The following ANK3 variants were observed in gnomAD, a reference collection of about 807,000 sequenced individuals.
ANK3 encodes the protein ankyrin 3.
A neutral mutation model predicts 370.9 loss-of-function variants in ANK3; 57 were observed. The ratio of observed to expected loss-of-function variants is 0.15; its 90% CI spans 0.12 to 0.19. The LOEUF (loss-of-function observed/expected upper bound fraction) is 0.19. Ranked by LOEUF, ANK3 falls within the 10% of genes least tolerant of loss-of-function variation. ANK3 has a pLI of 1.00. For missense variants in ANK3, 4,439 were observed against 5,302.1 expected, an observed-to-expected ratio of 0.84 and a Z score of 5.06; for synonymous variants, 1,929 against 1,946.3, an observed-to-expected ratio of 0.99 and a Z score of 0.23.
chr10:60,693,470 G>A (rs960679471), intron 1 of ANK3, among the ~76,000 whole-genome samples: 5 of 152,246 alleles, frequency 3.3e-5, no homozygotes, highest in Non-Finnish European at 7.3e-5. Flanking sequence ...CAAAAAGACA[G>A]CAGTAACCTC....
intron 1 of ANK3, among the ~76,000 whole-genome samples, chr10:60,679,366 A>G (rs1446511490): frequency 1.3e-5 from 2 of 152,136 alleles, no homozygotes; most frequent in Non-Finnish European, 2.9e-5. Context: ...TCTAAAATAA[A>G]AATTGGTTGC....
At chr10:60,145,403 T>TAAGCA in intron 23 of ANK3, among the ~76,000 whole-genome samples, 1 of 152,200 alleles carries the variant, frequency 6.6e-6, no homozygotes, top group Non-Finnish European at 1.5e-5. Context: ...AAAGTGATTT[T>TAAGCA]CTTTGATCAT....
At chr10:60,227,199 T>C (rs1198173516) in intron 8 of ANK3, among the ~76,000 whole-genome samples, 1 of 152,076 alleles carries the variant, frequency 6.6e-6, no homozygotes, top group Non-Finnish European at 1.5e-5. Context: ...TAGATATTTA[T>C]ATCAATCTAT....
At chr10:60,033,389 C>T (rs567000114) in intron 43 of ANK3, among the ~76,000 whole-genome samples, 12 of 151,846 alleles carry the variant, frequency 7.9e-5, no homozygotes, top group South Asian at 6.3e-4. Context: ...GTGGCAGGCA[C>T]CTATAATCCC....
intron 42 of ANK3, among the ~76,000 whole-genome samples, chr10:60,050,287 C>A (rs569127682): frequency 6.6e-6 from 1 of 152,074 alleles, no homozygotes; most frequent in Admixed American, 6.6e-5. Context: ...TTAAAGGAAC[C>A]CTATTGAGCT....
intron 26 of ANK3, among the ~76,000 whole-genome samples, chr10:60,109,783 A>C (rs2092547571): frequency 6.6e-6 from 1 of 152,240 alleles, no homozygotes; most frequent in Non-Finnish European, 1.5e-5. Context: ...CTAATAAGGA[A>C]AAAACTGTCT....
chr10:60,166,921 T>G, intron 21 of ANK3, 25 bp from the exon 22 acceptor site: 3 of 1,599,322 alleles, frequency 1.9e-6, no homozygotes, highest in Non-Finnish European at 1.7e-6. Context: ...GCAGTCATTT[T>G]AGTGTGAGCA....
chr10:60,415,063 T>C (rs1013744836), intron 2 of ANK3, among the ~76,000 whole-genome samples: 1 of 152,168 alleles, frequency 6.6e-6, no homozygotes, highest in Non-Finnish European at 1.5e-5. Context: ...AGGCTTTGGC[T>C]ATTGAAGGGA....
intron 2 of ANK3, among the ~76,000 whole-genome samples, chr10:60,567,330 C>G (rs1278340358): frequency 6.6e-6 from 1 of 152,070 alleles, no homozygotes; most frequent in African/African-American, 2.4e-5. Context: ...ATCCTAGAGT[C>G]CTTAAGAATT....
At chr10:60,053,739 G>A in intron 42 of ANK3, 3 of 1,303,768 alleles carry the variant, frequency 2.3e-6, no homozygotes, top group Non-Finnish European at 3.0e-6. Flanking sequence ...TGATTTTTTA[G>A]GGGATAAAAA....
chr10:60,137,382 A>AAAAAAAC, intron 24 of ANK3: 1 of 369,052 alleles, frequency 2.7e-6, no homozygotes, highest in Non-Finnish European at 5.3e-6. Context: ...AGGAAAAAAA[A>AAAAAAAC]AAAAAAAAAA....
intron 2 of ANK3, among the ~76,000 whole-genome samples, chr10:60,556,081 G>A (rs537233977): frequency 3.3e-5 from 5 of 152,072 alleles, no homozygotes; most frequent in African/African-American, 7.2e-5. Context: ...TTATAACATC[G>A]CTCAGGGGCA....
chr10:60,068,945 CT>C lies in ANK3; in HGVS notation c.11935del (p.Ser3979AlafsTer30). On this transcript the variant is annotated frameshift_variant, in exon 37 of 44. Transcript: ENST00000280772. LOFTEE classifies it high-confidence loss of function. The stretch of plus-strand genomic sequence containing the variant: ...ACTTTTCCTAACTTTAACTGTGCAG[CT>C]GGTGGTGGTGGTAGTGGTGGTAGTG... ...TTTTTTTTTT[S>X]CTVKVRKSQL... The C allele has an allele frequency of 6.2e-7, 1 of 1,613,898 alleles. No individual in the cohort carries two copies.
intron 1 of ANK3, among the ~76,000 whole-genome samples, chr10:60,702,749 T>C (rs2079561382): frequency 6.6e-6 from 1 of 152,212 alleles, no homozygotes; most frequent in African/African-American, 2.4e-5. Flanking sequence ...CAGAATATCA[T>C]CATTTTGTAG....
chr10:60,290,603 G>A (rs2041123815), intron 1 of ANK3, among the ~76,000 whole-genome samples: 1 of 152,172 alleles, frequency 6.6e-6, no homozygotes, highest in Non-Finnish European at 1.5e-5. Context: ...GATTCCCTCT[G>A]ATAGCTACAA....
intron 23 of ANK3, among the ~76,000 whole-genome samples, chr10:60,151,766 A>G (rs1000555732): frequency 3.3e-5 from 5 of 152,198 alleles, no homozygotes; most frequent in African/African-American, 1.2e-4. Context: ...CTCAACCATT[A>G]TGGGGCTCTT....
Position 60,134,409 on chromosome 10 carries a change from G to C in ANK3, c.2739-36C>G, listed in dbSNP as rs372367298. ...TACAGTTAACCATTCAACAGTGGTA[G>C]ATGATGATGAGATGAATAAAAAAAA... On this transcript the variant is annotated intron_variant, in intron 24 of 43. Transcript: ENST00000280772. 3.3e-6 allele frequency: 5 copies of C among 1,517,160 alleles called. No homozygotes were observed. In the East Asian group the frequency reaches 9.1e-5, roughly 28 times the overall value. The allele number at this position is 1,517,160 out of a possible 1,614,324, so 94.0% of individuals were successfully genotyped here.
intron 2 of ANK3, among the ~76,000 whole-genome samples, chr10:60,426,413 T>TC (rs2063888999): frequency 6.6e-6 from 1 of 152,160 alleles, no homozygotes; most frequent in Non-Finnish European, 1.5e-5. Flanking sequence ...CCTGTGTTTC[T>TC]TTCTCATCTC....
chr10:60,162,965 A>C (rs556711726), intron 23 of ANK3, among the ~76,000 whole-genome samples: 185 of 152,268 alleles, frequency 1.2e-3, no homozygotes, highest in Non-Finnish European at 2.2e-3. Flanking sequence ...CAATTTATAA[A>C]ATACATTTTA....
Sources: allele counts gnomAD v4.1 joint callset (sites outside exome capture counted in the v4.1 genomes callset), GRCh38; gene constraint gnomAD v4.1.1; transcripts MANE v1.5; gene names NCBI Gene and HGNC (gene_info 2026-07-23, HGNC 2026-07-21).